CATSPERT: variants seen among roughly 807,000 people sequenced by gnomAD.
CATSPERT encodes cation channel sperm-associated targeting subunit tau.
the CATSPERT span, among the ~76,000 whole-genome samples, chr2:201,592,623 G>T: frequency 1.3e-5 from 2 of 151,172 alleles, no homozygotes; most frequent in African/African-American, 4.8e-5. Flanking sequence ...GACTCTTTTT[G>T]GTTGGTAAGC....
the CATSPERT span, among the ~76,000 whole-genome samples, chr2:201,499,488 C>G: frequency 6.6e-6 from 1 of 152,126 alleles, no homozygotes; most frequent in Non-Finnish European, 1.5e-5. Context: ...TCCTCTCCTT[C>G]TCCTTTCCAT....
chr2:201,498,232 A>G, the CATSPERT span, among the ~76,000 whole-genome samples: 77,217 of 151,944 alleles, frequency 0.51, 21,012 homozygotes, highest in African/African-American at 0.72. Context: ...TAGTGGCTCA[A>G]TCCAAGTTCA....
At chr2:201,598,144 C>T in the CATSPERT span, among the ~76,000 whole-genome samples, 1 of 152,192 alleles carries the variant, frequency 6.6e-6, no homozygotes, top group Non-Finnish European at 1.5e-5. Flanking sequence ...CTCTGTCACT[C>T]AAGCTGGAGT....
the CATSPERT span, chr2:201,534,182 G>C: frequency 1.3e-5 from 2 of 156,744 alleles, no homozygotes; most frequent in African/African-American, 4.8e-5. Context: ...AGCCCTAACA[G>C]CTATTCAAGG....
the CATSPERT span, chr2:201,493,480 T>G: frequency 6.5e-7 from 1 of 1,537,224 alleles, no homozygotes; most frequent in Non-Finnish European, 8.7e-7. Flanking sequence ...AGAACTCTTA[T>G]GGTGTTCTTT....
chr2:201,567,288 T>C, the CATSPERT span, among the ~76,000 whole-genome samples: 1 of 152,224 alleles, frequency 6.6e-6, no homozygotes, highest in Non-Finnish European at 1.5e-5. Context: ...TTACAGGAGA[T>C]ATAGCTAAAC....
chr2:201,577,465 G>T, the CATSPERT span, among the ~76,000 whole-genome samples: 1 of 152,198 alleles, frequency 6.6e-6, no homozygotes, highest in African/African-American at 2.4e-5. Flanking sequence ...CAGCACGATA[G>T]CCAAGATATG....
At chr2:201,585,138 A>G in the CATSPERT span, among the ~76,000 whole-genome samples, 9 of 152,288 alleles carry the variant, frequency 5.9e-5, no homozygotes, top group South Asian at 1.9e-3. Flanking sequence ...AAAGAACAGA[A>G]AACCAAACAC....
the CATSPERT span, among the ~76,000 whole-genome samples, chr2:201,531,279 T>C: frequency 6.6e-6 from 1 of 151,972 alleles, no homozygotes. Context: ...TATTTTTAAC[T>C]AAACTAATTC....
At chr2:201,535,362 A>G in the CATSPERT span, 2 of 980,596 alleles carry the variant, frequency 2.0e-6, no homozygotes, top group African/African-American at 1.8e-5. Context: ...AGTTATTCCA[A>G]TAAGATATAA....
At chr2:201,534,080 C>CTATCTATA in the CATSPERT span, among the ~76,000 whole-genome samples, 14 of 147,770 alleles carry the variant, frequency 9.5e-5, no homozygotes, top group African/African-American at 3.5e-4. Context: ...ATCTATCTAT[C>CTATCTATA]TATCTATCAA....
At chr2:201,530,961 G>GTTTTTTTTTTT in the CATSPERT span, among the ~76,000 whole-genome samples, 88 of 106,034 alleles carry the variant, frequency 8.3e-4, 4 homozygotes, top group Non-Finnish European at 1.2e-3. Flanking sequence ...TTTTTTGTGG[G>GTTTTTTTTTTT]TTTTTTTTTT....
the CATSPERT span, chr2:201,493,681 G>A: frequency 6.5e-7 from 1 of 1,537,246 alleles, no homozygotes; most frequent in East Asian, 2.4e-5. Context: ...GTTCATTGGT[G>A]TTTCACTTGG....
chr2:201,554,375 T>C, the CATSPERT span: 10 of 152,118 alleles, frequency 6.6e-5, no homozygotes, highest in Non-Finnish European at 1.3e-4. Flanking sequence ...AAAACTCAAA[T>C]CTTCTCCAAT....
chr2:201,504,250 G>A, the CATSPERT span, among the ~76,000 whole-genome samples: 2 of 152,070 alleles, frequency 1.3e-5, no homozygotes, highest in African/African-American at 4.8e-5. Context: ...TTGGCTTCCC[G>A]CTCCTGTGCT....
chr2:201,565,712 T>A, the CATSPERT span: 3 of 1,497,474 alleles, frequency 2.0e-6, no homozygotes, highest in Admixed American at 7.8e-5. Context: ...TGAATTTTTT[T>A]TTTTTTTTTT....
chr2:201,606,373 C>T, the CATSPERT span, among the ~76,000 whole-genome samples: 1 of 152,274 alleles, frequency 6.6e-6, no homozygotes, highest in East Asian at 1.9e-4. Context: ...AATGCAACTG[C>T]AGAGCTGTAT....
chr2:201,537,498 G>A, the CATSPERT span: 1 of 1,549,024 alleles, frequency 6.5e-7, no homozygotes, highest in Non-Finnish European at 8.8e-7. Flanking sequence ...ACAATTAATA[G>A]GGGTATTTTA....
the CATSPERT span, among the ~76,000 whole-genome samples, chr2:201,605,053 T>G: frequency 9.1e-6 from 1 of 110,126 alleles, no homozygotes; most frequent in Non-Finnish European, 1.9e-5. Flanking sequence ...CAAATATATA[T>G]ATACATACAC....
Sources: gnomAD v4.1 joint callset for allele counts (sites outside exome capture counted in the v4.1 genomes callset) on GRCh38, gnomAD v4.1.1 for gene constraint, MANE v1.5 for transcripts, NCBI Gene and HGNC (gene_info 2026-07-23, HGNC 2026-07-21) for gene names.